CADM2: variants seen among roughly 807,000 people sequenced by gnomAD.
CADM2 encodes cell adhesion molecule 2.
Under a neutral mutation model 49.8 loss-of-function variants are expected in CADM2, and 12 were observed. The observed-to-expected ratio is 0.24, with a 90% CI of 0.15 to 0.39. The LOEUF (loss-of-function observed/expected upper bound fraction) is 0.39. Ranked by LOEUF, CADM2 falls within the 10% of genes least tolerant of loss-of-function variation. The pLI, the probability that CADM2 is intolerant of heterozygous loss-of-function variation, is 1.00. For missense variants in CADM2, 378 were observed against 492.3 expected, an observed-to-expected ratio of 0.77 and a Z score of 2.20; for synonymous variants, 214 against 175.4, an observed-to-expected ratio of 1.22 and a Z score of -1.74.
chr3:85,747,406 A>G (rs894633970), intron 2 of CADM2, among the ~76,000 whole-genome samples: 2 of 152,108 alleles, frequency 1.3e-5, no homozygotes, highest in African/African-American at 4.8e-5. Context: ...ACTTCCTTGT[A>G]TGTTTGTATA....
chr3:85,422,011 C>T (rs557991463), intron 1 of CADM2, among the ~76,000 whole-genome samples: 5 of 152,216 alleles, frequency 3.3e-5, no homozygotes, highest in Admixed American at 2.0e-4. Flanking sequence ...TATTCTTTCC[C>T]GAAGGGATTG....
chr3:85,259,784 C>T (rs1438183102), intron 1 of CADM2, among the ~76,000 whole-genome samples: 2 of 152,028 alleles, frequency 1.3e-5, no homozygotes, highest in African/African-American at 4.8e-5. Flanking sequence ...GGACAATTGT[C>T]TCAGTGCTAC....
chr3:85,993,705 C>T (rs1729046360), intron 8 of CADM2: 1 of 152,092 alleles, frequency 6.6e-6, no homozygotes, highest in Non-Finnish European at 1.5e-5. Context: ...ATGAAAACAA[C>T]ATTAATGACC....
intron 1 of CADM2, among the ~76,000 whole-genome samples, chr3:85,145,006 C>A (rs1191347060): frequency 6.6e-6 from 1 of 152,088 alleles, no homozygotes; most frequent in Admixed American, 6.6e-5. Flanking sequence ...TCTAAACAGT[C>A]AGTTTAACTC....
intron 1 of CADM2, among the ~76,000 whole-genome samples, chr3:85,434,931 G>C (rs1337437794): frequency 6.6e-6 from 1 of 152,068 alleles, no homozygotes; most frequent in Admixed American, 6.6e-5. Context: ...GGATATAAGA[G>C]TTACTAGTAT....
intron 1 of CADM2, among the ~76,000 whole-genome samples, chr3:85,072,003 A>C (rs2036763342): frequency 6.6e-6 from 1 of 151,026 alleles, no homozygotes; most frequent in Non-Finnish European, 1.5e-5. Context: ...GGTAAACTGT[A>C]ACAGCAATAA....
intron 5 of CADM2, among the ~76,000 whole-genome samples, chr3:85,893,317 C>A (rs1460555047): frequency 1.3e-5 from 2 of 151,936 alleles, no homozygotes; most frequent in Non-Finnish European, 2.9e-5. Flanking sequence ...AACTGGATCC[C>A]TTCCCTACAC....
chr3:85,960,403 A>G (rs571965855), intron 7 of CADM2, among the ~76,000 whole-genome samples: 38 of 152,052 alleles, frequency 2.5e-4, no homozygotes, highest in African/African-American at 8.7e-4. Flanking sequence ...ATTATGCTGA[A>G]ATTAGAAAAC....
At chr3:85,669,748 C>T (rs561702170) in intron 1 of CADM2, among the ~76,000 whole-genome samples, 136 of 152,146 alleles carry the variant, frequency 8.9e-4, no homozygotes, top group African/African-American at 3.2e-3. Flanking sequence ...ATAAATATAA[C>T]CAATACCCAG....
chr3:85,047,021 A>T (rs984740170), intron 1 of CADM2, among the ~76,000 whole-genome samples: 6 of 152,164 alleles, frequency 3.9e-5, no homozygotes, highest in African/African-American at 1.4e-4. Flanking sequence ...ATGTATTTTT[A>T]TAAGATGGAA....
chr3:85,320,505 CGGT>C (rs1314093363), intron 1 of CADM2, among the ~76,000 whole-genome samples: 3 of 152,010 alleles, frequency 2.0e-5, no homozygotes, highest in Non-Finnish European at 4.4e-5. Flanking sequence ...CTGTAGCTGC[CGGT>C]GGTTGTCCCC....
At chr3:85,168,717 A>G (rs1298243321) in intron 1 of CADM2, among the ~76,000 whole-genome samples, 1 of 152,188 alleles carries the variant, frequency 6.6e-6, no homozygotes, top group East Asian at 1.9e-4. Flanking sequence ...TGATTCTGAA[A>G]TAAAACTTAA....
At chr3:85,950,474 C>A (rs1723298660) in intron 7 of CADM2, among the ~76,000 whole-genome samples, 1 of 151,074 alleles carries the variant, frequency 6.6e-6, no homozygotes, top group Admixed American at 6.6e-5. Flanking sequence ...GTTTCTAGTG[C>A]AATGTGACTG....
rs113934677 is a variant in CADM2, at chr3:85,323,498, A to G, written c.61+363830A>G. ...GTGTCATAGCTGTCACCGCCTATCAACAGTTCAAATCACTTATGACCTATG... is the reference window on the plus strand; with the variant it reads ...GTGTCATAGCTGTCACCGCCTATCAGCAGTTCAAATCACTTATGACCTATG... On this transcript the variant is annotated intron_variant, in intron 1 of 9. Transcript: ENST00000383699. 9.7e-3 allele frequency among the ~76,000 whole-genome samples: 1,484 copies of G among 152,280 alleles called. 11 individuals carry two copies. Among genetic ancestry groups the G allele is most frequent in the Non-Finnish European group, 0.015 (1,016 of 68,020 alleles).
At chr3:85,111,107 T>C (rs1318220770) in intron 1 of CADM2, among the ~76,000 whole-genome samples, 1 of 151,928 alleles carries the variant, frequency 6.6e-6, no homozygotes, top group Non-Finnish European at 1.5e-5. Context: ...TTATAATTCT[T>C]AGGACAACTT....
At chr3:85,846,441 T>G (rs569557298) in intron 3 of CADM2, among the ~76,000 whole-genome samples, 18 of 152,088 alleles carry the variant, frequency 1.2e-4, no homozygotes, top group Non-Finnish European at 2.1e-4. Flanking sequence ...AATTCCTAAC[T>G]CTCCAAGTTG....
intron 1 of CADM2, among the ~76,000 whole-genome samples, chr3:85,395,569 G>A (rs1379198580): frequency 6.6e-6 from 1 of 152,008 alleles, no homozygotes; most frequent in Non-Finnish European, 1.5e-5. Flanking sequence ...ATATGAAATT[G>A]TTTGCTACTC....
intron 1 of CADM2, among the ~76,000 whole-genome samples, chr3:85,069,774 C>G (rs952424592): frequency 3.3e-5 from 5 of 152,188 alleles, no homozygotes; most frequent in African/African-American, 1.2e-4. Flanking sequence ...GACCTACGTA[C>G]CATTTTTCTT....
intron 1 of CADM2, among the ~76,000 whole-genome samples, chr3:85,531,792 T>G (rs991088669): frequency 6.6e-6 from 1 of 152,196 alleles, no homozygotes; most frequent in Admixed American, 6.5e-5. Flanking sequence ...TCAAACAAAA[T>G]TGGCTTTCTT....
Sources: allele counts gnomAD v4.1 joint callset (sites outside exome capture counted in the v4.1 genomes callset), GRCh38; gene constraint gnomAD v4.1.1; transcripts MANE v1.5; gene names NCBI Gene and HGNC (gene_info 2026-07-23, HGNC 2026-07-21).